NRG1: variants seen among roughly 807,000 people sequenced by gnomAD.
NRG1 encodes pro-neuregulin-1, membrane-bound isoform.
Under a neutral mutation model 63.8 loss-of-function variants are expected in NRG1, and 18 were observed. The observed-to-expected ratio is 0.28, with a 90% CI of 0.19 to 0.42. The LOEUF (loss-of-function observed/expected upper bound fraction) is 0.42. NRG1 is among the 10% of genes least tolerant of loss of function. The pLI is 1.00. For synonymous variants in NRG1, 302 were observed against 301.3 expected (o/e 1.00, Z -0.02); for missense variants, 762 against 814.7 (o/e 0.94, Z 0.79).
chr8:32,440,934 T>C (rs1819451763), intron 1 of NRG1, among the ~76,000 whole-genome samples: 1 of 152,100 alleles, frequency 6.6e-6, no homozygotes, highest in Admixed American at 6.5e-5. Flanking sequence ...AAGCAAAAAA[T>C]TGAGAAACAG....
intron 1 of NRG1, among the ~76,000 whole-genome samples, chr8:31,693,586 C>T (rs1182254201): frequency 6.6e-6 from 1 of 151,914 alleles, no homozygotes; most frequent in African/African-American, 2.4e-5. Context: ...TTTTTCTGAA[C>T]TGTTTGCTCA....
At chr8:32,131,433 T>G (rs182158113) in intron 1 of NRG1, among the ~76,000 whole-genome samples, 337 of 152,118 alleles carry the variant, frequency 2.2e-3, no homozygotes, top group African/African-American at 7.9e-3. Flanking sequence ...TTCATCTTCA[T>G]GTTGAGTAGA....
intron 1 of NRG1, among the ~76,000 whole-genome samples, chr8:32,404,604 T>A (rs112503428): frequency 0.019 from 2,699 of 142,984 alleles, 91 homozygotes; most frequent in African/African-American, 0.066. Flanking sequence ...TTTTTTTTTT[T>A]AATGGAGTCT....
intron 6 of NRG1, among the ~76,000 whole-genome samples, chr8:32,729,843 G>C (rs893720093): frequency 1.3e-5 from 2 of 152,176 alleles, no homozygotes; most frequent in South Asian, 4.1e-4. Flanking sequence ...GGGCGTGTCT[G>C]TAGCGTGCCT....
At chr8:32,566,306 G>A (rs1354873580) in intron 1 of NRG1, among the ~76,000 whole-genome samples, 4 of 133,882 alleles carry the variant, frequency 3.0e-5, no homozygotes, top group South Asian at 2.4e-4. Flanking sequence ...GCAGTGAGCC[G>A]AGATCACACC....
chr8:32,204,792 T>C (rs1843855942), intron 1 of NRG1, among the ~76,000 whole-genome samples: 1 of 152,314 alleles, frequency 6.6e-6, no homozygotes, highest in African/African-American at 2.4e-5. Context: ...CTTTCTTGTG[T>C]GTTCTATCTG....
At chr8:32,211,304 A>G (rs1844682541) in intron 1 of NRG1, among the ~76,000 whole-genome samples, 2 of 152,160 alleles carry the variant, frequency 1.3e-5, no homozygotes, top group African/African-American at 4.8e-5. Context: ...AGTTGGGTTT[A>G]TTTAATCATT....
chr8:32,488,977 G>A (rs1826223330), intron 1 of NRG1, among the ~76,000 whole-genome samples: 2 of 152,198 alleles, frequency 1.3e-5, no homozygotes, highest in Non-Finnish European at 1.5e-5. Flanking sequence ...GTTTTAGAGA[G>A]GGAGTGAAAG....
At chr8:32,116,971 C>CAAAAAA (rs756283492) in intron 1 of NRG1, among the ~76,000 whole-genome samples, 3 of 31,538 alleles carry the variant, frequency 9.5e-5, no homozygotes, top group African/African-American at 1.7e-4. Flanking sequence ...CCTGTCTCTA[C>CAAAAAA]AAAAAAAAAA....
At chr8:31,827,557 G>A (rs879109956) in intron 1 of NRG1, among the ~76,000 whole-genome samples, 1 of 152,186 alleles carries the variant, frequency 6.6e-6, no homozygotes, top group Admixed American at 6.5e-5. Context: ...GAAAGGCTGA[G>A]TTTCTGTAGC....
At chr8:32,241,236 G>A (rs989381861) in intron 1 of NRG1, among the ~76,000 whole-genome samples, 9 of 152,072 alleles carry the variant, frequency 5.9e-5, no homozygotes, top group African/African-American at 1.9e-4. Context: ...ACCACACTCT[G>A]GAAACTACTG....
intron 1 of NRG1, among the ~76,000 whole-genome samples, chr8:31,809,520 C>A (rs1056547894): frequency 6.6e-6 from 1 of 150,636 alleles, no homozygotes; most frequent in African/African-American, 2.4e-5. Context: ...ATAATCTGGA[C>A]CAAACCCAAG....
intron 1 of NRG1, among the ~76,000 whole-genome samples, chr8:32,012,015 A>G (rs1814839173): frequency 6.6e-6 from 1 of 151,714 alleles, no homozygotes; most frequent in South Asian, 2.1e-4. Flanking sequence ...GGGCAAACAG[A>G]AATTCATAGA....
chr8:31,652,040 C>T (rs914762087), intron 1 of NRG1, among the ~76,000 whole-genome samples: 2 of 152,210 alleles, frequency 1.3e-5, no homozygotes, highest in Non-Finnish European at 2.9e-5. Context: ...AATGACTCTA[C>T]CCTCACTGCT....
upstream of NRG1, among the ~76,000 whole-genome samples, chr8:32,547,590 A>AACACAC (rs33943729): frequency 0.03 from 4,518 of 148,430 alleles, 92 homozygotes; most frequent in South Asian, 0.073. Flanking sequence ...GCACTTACTA[A>AACACAC]ACACACACAC....
intron 1 of NRG1, among the ~76,000 whole-genome samples, chr8:31,998,581 T>C (rs1484052952): frequency 6.6e-6 from 1 of 151,992 alleles, no homozygotes; most frequent in Non-Finnish European, 1.5e-5. Context: ...GCTCATTGAA[T>C]GCAAACTTTC....
chr8:31,802,497 C>CA (rs1471710743), intron 1 of NRG1, among the ~76,000 whole-genome samples: 1 of 151,410 alleles, frequency 6.6e-6, no homozygotes, highest in Non-Finnish European at 1.5e-5. Flanking sequence ...TAGAGACTCC[C>CA]AAAAAAAGGC....
intron 1 of NRG1, among the ~76,000 whole-genome samples, chr8:32,146,631 A>C (rs1340313110): frequency 6.6e-6 from 1 of 152,176 alleles, no homozygotes; most frequent in African/African-American, 2.4e-5. Context: ...TTAATCAAAA[A>C]ATTGACCATT....
intron 1 of NRG1, among the ~76,000 whole-genome samples, chr8:32,265,553 T>C (rs1415588112): frequency 6.6e-6 from 1 of 152,034 alleles, no homozygotes; most frequent in Non-Finnish European, 1.5e-5. Flanking sequence ...TAAAAACTAA[T>C]GTAGGCTGGG....
Sources: gnomAD v4.1 joint callset for allele counts (sites outside exome capture counted in the v4.1 genomes callset) on GRCh38, gnomAD v4.1.1 for gene constraint, MANE v1.5 for transcripts, NCBI Gene and HGNC (gene_info 2026-07-23, HGNC 2026-07-21) for gene names.